ZFHX4: variants seen among roughly 807,000 people sequenced by gnomAD.
The protein encoded by ZFHX4 is zinc finger homeobox 4.
Under a neutral mutation model 267.6 loss-of-function variants are expected in ZFHX4, and 56 were observed. The ratio of observed to expected loss-of-function variants is 0.21; its 90% CI spans 0.17 to 0.26. The LOEUF (loss-of-function observed/expected upper bound fraction) is 0.26. Among genes scored for constraint, ZFHX4 ranks in the 10% least tolerant of loss-of-function variants. The pLI is 1.00. For missense variants in ZFHX4, 4,332 were observed against 4,420.0 expected (o/e 0.98, Z 0.56); for synonymous variants, 1,778 against 1,665.6 (o/e 1.07, Z -1.64).
chr8:76,856,054 C>A lies in ZFHX4; in HGVS notation c.9133C>A (p.Arg3045=), dbSNP rs145665241. The change falls in exon 10 of 11, where the codon CGG becomes AGG. Residue 3045 remains arginine, a synonymous_variant. Coordinates refer to ENST00000651372, the MANE Select transcript of ZFHX4 (RefSeq NM_024721.5). ...VRETVGSQLD[R]EKDYLAPTTV... ...GGAGACCGTTGGCAGTCAGCTCGAT[C>A]GGGAGAAAGATTACTTGGCTCCGAC... 1.6e-3 allele frequency: 2,569 copies of A among 1,613,940 alleles called. 26 individuals carry two copies. In the East Asian group the frequency reaches 0.031, roughly 19 times the overall value.
Position 76,745,539 on chromosome 8 carries a change from T to C in ZFHX4, c.3094-32669T>C, listed in dbSNP as rs184256936. Among the ~76,000 whole-genome samples the C allele has an allele frequency of 2.0e-5, 3 of 151,948 alleles. No homozygotes were observed. The East Asian group carries it at 5.8e-4, about 30-fold the overall frequency. On this transcript the variant is annotated intron_variant, in intron 3 of 10. Transcript: ENST00000651372. ...AGTAAAAATGATAATAGTTGAAAAGTCAATTATTTTTTCAGTTTTACTACA... is the reference window on the plus strand; with the variant it reads ...AGTAAAAATGATAATAGTTGAAAAGCCAATTATTTTTTCAGTTTTACTACA...
At chr8:76,833,204 G>T (rs2131891214) in intron 4 of ZFHX4, 134 bp from the exon 5 acceptor site, 1 of 643,534 alleles carries the variant, frequency 1.6e-6, no homozygotes, top group Non-Finnish European at 2.8e-6. Flanking sequence ...TATAATGTGT[G>T]CTGGAGACTC....
chr8:76,845,598 C>T (rs147095849), intron 6 of ZFHX4, among the ~76,000 whole-genome samples: 1 of 152,050 alleles, frequency 6.6e-6, no homozygotes, highest in African/African-American at 2.4e-5. Context: ...AATACATTGA[C>T]TCATTAATAA....
chr8:76,709,583 G>A (rs1425517613), intron 3 of ZFHX4, among the ~76,000 whole-genome samples: 1 of 151,994 alleles, frequency 6.6e-6, no homozygotes, highest in East Asian at 1.9e-4. Flanking sequence ...GAGCTATATA[G>A]AATATTCATG....
intron 3 of ZFHX4, among the ~76,000 whole-genome samples, chr8:76,725,080 G>A (rs1399080911): frequency 1.3e-5 from 2 of 152,028 alleles, no homozygotes; most frequent in African/African-American, 2.4e-5. Flanking sequence ...GTGTATGAAA[G>A]GGAACTCTGT....
At position 76,708,011 on chromosome 8, in the gene ZFHX4, C is replaced by G. The variant is rs767560522; in HGVS notation, c.3056C>G (p.Thr1019Ser). 20 of 1,613,748 alleles carry G rather than the reference C, an allele frequency of 1.2e-5. No individual in the cohort carries two copies. Among genetic ancestry groups the G allele is most frequent in the Non-Finnish European group, 1.4e-5 (16 of 1,179,896 alleles). ...GTGGATAAATTACGCTTGCATACCA[C>G]CAATCACAGGCACGAGGCGGCCCTG... is the stretch of plus-strand genomic sequence containing the variant. ...NSVDKLRLHT[T>S]NHRHEAALKL... The change falls in exon 3 of 11, where the codon ACC (threonine) becomes AGC (serine). Residue 1019 changes from threonine (T) to serine (S), a missense_variant. Physicochemically the swap from Thr to Ser is moderately conservative, Grantham distance 58. Transcript: ENST00000651372.
intron 3 of ZFHX4, among the ~76,000 whole-genome samples, chr8:76,721,173 G>A (rs1346884228): frequency 1.3e-5 from 2 of 152,014 alleles, no homozygotes; most frequent in East Asian, 1.9e-4. Context: ...GGAGAAGTGA[G>A]GGCTGACAAA....
intron 5 of ZFHX4, among the ~76,000 whole-genome samples, chr8:76,839,684 G>T (rs1812184743): frequency 6.6e-6 from 1 of 152,156 alleles, no homozygotes; most frequent in Non-Finnish European, 1.5e-5. Context: ...TGATGAAAAT[G>T]AAAACCGCTT....
intron 3 of ZFHX4, among the ~76,000 whole-genome samples, chr8:76,774,523 T>C (rs747573295): frequency 2.0e-5 from 3 of 152,150 alleles, no homozygotes; most frequent in Non-Finnish European, 2.9e-5. Context: ...TAAGTTGTTT[T>C]GCTTTTGTTA....
rs1370474274 is a variant in ZFHX4, at chr8:76,833,374, A to G, written c.3362A>G (p.Asp1121Gly). ...ASLGARTCDD[D>G]LTEQQLRSTS... ...TTGGGAGCCAGGACTTGTGATGATG[A>G]TCTTACAGAGCAGCAGTTGAGATCG... Residue 1121 changes from aspartate (D) to glycine (G), a missense_variant, in exon 5 of 11, where the codon GAT (aspartate) becomes GGT (glycine). By Grantham distance (94) the Asp-to-Gly change is moderately conservative. Coordinates refer to ENST00000651372, the MANE Select transcript of ZFHX4 (RefSeq NM_024721.5). The G allele has an allele frequency of 1.9e-6, 3 of 1,610,674 alleles. No homozygotes were observed. Among genetic ancestry groups the G allele is most frequent in the Non-Finnish European group, 2.5e-6 (3 of 1,178,314 alleles).
At chr8:76,836,769 T>G (rs1812102842) in intron 5 of ZFHX4, among the ~76,000 whole-genome samples, 1 of 152,012 alleles carries the variant, frequency 6.6e-6, no homozygotes, top group African/African-American at 2.4e-5. Context: ...CAGAATAAAT[T>G]AAAGGAACAC....
chr8:76,696,770 T>G (rs1807969634), intron 1 of ZFHX4, among the ~76,000 whole-genome samples: 1 of 151,996 alleles, frequency 6.6e-6, no homozygotes, highest in African/African-American at 2.4e-5. Context: ...GTCATTCTAC[T>G]TATGTTCTCT....
chr8:76,804,720 G>A (rs1375928459), intron 4 of ZFHX4, among the ~76,000 whole-genome samples: 2 of 135,360 alleles, frequency 1.5e-5, no homozygotes, highest in Non-Finnish European at 3.1e-5. Flanking sequence ...TGTTGATTTG[G>A]GGTTACCTTT....
intron 7 of ZFHX4, 101 bp from the exon 8 acceptor site, chr8:76,849,411 C>T: frequency 9.2e-7 from 1 of 1,087,078 alleles, no homozygotes; most frequent in Non-Finnish European, 1.4e-6. Context: ...ACATTGTAAG[C>T]ATGTACCAAA....
In ZFHX4 at chr8:76,705,909, C is replaced by T; in HGVS notation, c.1821C>T (p.Gly607=). ...TPGTPGPGGD[G]SPGSGIECPK... ...GCACACCAGGGCCTGGAGGAGACGG[C>T]TCACCGGGCAGTGGCATCGAGTGTC... is the stretch of plus-strand genomic sequence containing the variant. The change falls in exon 2 of 11, where the codon GGC becomes GGT. Residue 607 remains glycine, a synonymous_variant. Coordinates refer to ENST00000651372, the MANE Select transcript of ZFHX4 (RefSeq NM_024721.5). 6.2e-7 allele frequency: 1 copy of T among 1,613,722 alleles called. No individual in the cohort carries two copies. Among genetic ancestry groups the T allele is most frequent in the Non-Finnish European group, 8.5e-7 (1 of 1,179,856 alleles).
intron 3 of ZFHX4, among the ~76,000 whole-genome samples, chr8:76,748,424 T>G (rs1427874689): frequency 6.6e-6 from 1 of 152,228 alleles, no homozygotes; most frequent in East Asian, 1.9e-4. Flanking sequence ...AGTTTTTATA[T>G]TATTGTTTTA....
chr8:76,843,125 A>G (rs1812279637), intron 6 of ZFHX4, among the ~76,000 whole-genome samples: 1 of 152,148 alleles, frequency 6.6e-6, no homozygotes, highest in Non-Finnish European at 1.5e-5. Flanking sequence ...CTCTGATGGC[A>G]TATTAATTTT....
intron 4 of ZFHX4, among the ~76,000 whole-genome samples, chr8:76,781,068 T>C (rs1273219038): frequency 6.6e-6 from 1 of 152,034 alleles, no homozygotes; most frequent in Non-Finnish European, 1.5e-5. Flanking sequence ...ATTTGCTAAT[T>C]TGTAAGTTGT....
rs752619547 is a variant in ZFHX4 at position 76,708,020 on chromosome 8, G to A, written c.3065G>A (p.Arg1022Lys). 1.4e-5 allele frequency: 23 copies of A among 1,613,684 alleles called. No individual in the cohort carries two copies. In the South Asian group the frequency reaches 2.3e-4, roughly 16 times the overall value. The change falls in exon 3 of 11, where the codon AGG (arginine) becomes AAG (lysine). Residue 1022 changes from arginine to lysine, a missense_variant. This residue lies in a region of ZFHX4 where 1,371 missense variants were observed against 1,423.1 expected (regional missense o/e 0.96). Transcript: ENST00000651372. ...DKLRLHTTNH[R>K]HEAALKLYKH... is the part of the protein sequence containing the mutation. Reference sequence around the variant, plus strand: ...TTACGCTTGCATACCACCAATCACAGGCACGAGGCGGCCCTGAAGCTCTAC... The same window carrying A: ...TTACGCTTGCATACCACCAATCACAAGCACGAGGCGGCCCTGAAGCTCTAC...
Sources: gnomAD v4.1 joint callset for allele counts (sites outside exome capture counted in the v4.1 genomes callset) on GRCh38, gnomAD v4.1.1 for gene constraint, gnomAD v4.1.1 regional missense constraint, MANE v1.5 for transcripts, NCBI Gene and HGNC (gene_info 2026-07-23, HGNC 2026-07-21) for gene names.